The following SEMA6D variants were observed in gnomAD, a reference collection of about 807,000 sequenced individuals.
SEMA6D encodes the protein semaphorin 6D.
In SEMA6D, 35 loss-of-function variants were observed where a neutral mutation model predicts 106.6. That is an observed-to-expected ratio of 0.33 (90% CI 0.25 to 0.44). SEMA6D has a LOEUF of 0.44. Among genes scored for constraint, SEMA6D ranks in the 20% least tolerant of loss-of-function variants. The pLI is 1.00. For missense variants in SEMA6D, 1,185 were observed against 1,345.9 expected, an observed-to-expected ratio of 0.88 and a Z score of 1.87; for synonymous variants, 499 against 487.7, an observed-to-expected ratio of 1.02 and a Z score of -0.31.
chr15:47,471,138 G>A (rs1464687476), intron 3 of SEMA6D, among the ~76,000 whole-genome samples: 1 of 152,138 alleles, frequency 6.6e-6, no homozygotes, highest in Non-Finnish European at 1.5e-5. Context: ...ATGAATGTTG[G>A]TGGGAGCAGG....
chr15:47,675,637 G>A (rs2078229189), intron 4 of SEMA6D, among the ~76,000 whole-genome samples: 1 of 152,124 alleles, frequency 6.6e-6, no homozygotes, highest in African/African-American at 2.4e-5. Context: ...TTAGTATTGT[G>A]TTTTTCTTTA....
intron 1 of SEMA6D, among the ~76,000 whole-genome samples, chr15:47,277,037 T>C (rs2034850158): frequency 6.6e-6 from 1 of 152,126 alleles, no homozygotes; most frequent in Non-Finnish European, 1.5e-5. Context: ...GTGGTGGATA[T>C]AGCAATAGAA....
chr15:47,766,270 T>C, intron 15 of SEMA6D, 88 bp downstream of exon 15: 1 of 1,156,400 alleles, frequency 8.6e-7, no homozygotes, highest in Non-Finnish European at 1.2e-6. Context: ...CCAATTATAC[T>C]ACTTTTCTTT....
At chr15:47,536,246 G>T (rs559609639) in intron 3 of SEMA6D, among the ~76,000 whole-genome samples, 2 of 152,266 alleles carry the variant, frequency 1.3e-5, no homozygotes, top group East Asian at 3.9e-4. Context: ...CTACAAAGGA[G>T]GAGTTCCACC....
chr15:47,451,906 A>T (rs1462165898), intron 2 of SEMA6D, among the ~76,000 whole-genome samples: 2 of 152,018 alleles, frequency 1.3e-5, no homozygotes, highest in South Asian at 4.1e-4. Context: ...GATACATTCT[A>T]TTGTATGTAA....
At chr15:47,511,823 CT>C (rs2044242065) in intron 3 of SEMA6D, among the ~76,000 whole-genome samples, 1 of 152,080 alleles carries the variant, frequency 6.6e-6, no homozygotes, top group African/African-American at 2.4e-5. Flanking sequence ...GCAAGAAGGG[CT>C]TTTGGCACCC....
chr15:47,472,545 A>G (rs2042883252), intron 3 of SEMA6D, among the ~76,000 whole-genome samples: 1 of 152,202 alleles, frequency 6.6e-6, no homozygotes, highest in East Asian at 1.9e-4. Flanking sequence ...CTTTGTGGCC[A>G]AAGAGAACTG....
intron 2 of SEMA6D, among the ~76,000 whole-genome samples, chr15:47,450,809 T>C (rs1472882571): frequency 6.6e-6 from 1 of 152,048 alleles, no homozygotes; most frequent in African/African-American, 2.4e-5. Context: ...TGTGACTTTC[T>C]TGGCATTCAG....
chr15:47,389,499 T>G (rs2039957857), intron 1 of SEMA6D, among the ~76,000 whole-genome samples: 2 of 151,992 alleles, frequency 1.3e-5, no homozygotes, highest in South Asian at 4.2e-4. Flanking sequence ...CACTCACCCC[T>G]AAAAAAGAAT....
chr15:47,479,736 TA>T lies in SEMA6D; in HGVS notation c.-87+9196del, dbSNP rs112136962. Among the ~76,000 whole-genome samples, 1,208 of 152,154 alleles carry T rather than the reference TA, an allele frequency of 7.9e-3. 7 individuals are homozygous for T. The highest frequency in any genetic ancestry group is 0.015 in the Admixed American group (229 of 15,280). On this transcript the variant is annotated intron_variant, in intron 3 of 19. Transcript: ENST00000558014. ...ATTTGCTATCAAAGGAATGAGGTTA[TA>T]AAAAGAGATGCCACTTCCCTAACCT... is the stretch of plus-strand genomic sequence containing the variant.
intron 1 of SEMA6D, among the ~76,000 whole-genome samples, chr15:47,318,949 T>C (rs1396343834): frequency 6.6e-6 from 1 of 152,196 alleles, no homozygotes. Flanking sequence ...GACATTTTAA[T>C]GATTGCCATT....
chr15:47,249,455 T>C (rs913341766), intron 1 of SEMA6D, among the ~76,000 whole-genome samples: 6 of 150,316 alleles, frequency 4.0e-5, no homozygotes, highest in Non-Finnish European at 5.9e-5. Flanking sequence ...TTTTTTTTTT[T>C]CTGTGGGTTC....
chr15:47,761,798 G>C, intron 7 of SEMA6D, 47 bp downstream of exon 7: 1 of 1,452,886 alleles, frequency 6.9e-7, no homozygotes, highest in African/African-American at 1.4e-5. Flanking sequence ...TGACATTGAA[G>C]GTGAAAAAGG....
At chr15:47,286,353 T>C (rs979181229) in intron 1 of SEMA6D, among the ~76,000 whole-genome samples, 3 of 152,194 alleles carry the variant, frequency 2.0e-5, no homozygotes, top group Non-Finnish European at 4.4e-5. Flanking sequence ...TTAAAAATTA[T>C]GTTTACAGGA....
At chr15:47,723,040 CG>C (rs1457351750) in intron 1 of SEMA6D, among the ~76,000 whole-genome samples, 1 of 152,094 alleles carries the variant, frequency 6.6e-6, no homozygotes, top group Non-Finnish European at 1.5e-5. Context: ...ACCACTGCAC[CG>C]GATTGCTTCC....
At chr15:47,228,835 A>G (rs558946362) in intron 1 of SEMA6D, among the ~76,000 whole-genome samples, 6 of 152,012 alleles carry the variant, frequency 3.9e-5, no homozygotes, top group Non-Finnish European at 5.9e-5. Context: ...GGGTCCCTGT[A>G]TGTAAGGATG....
chr15:47,599,895 T>C (rs969040406), intron 3 of SEMA6D, among the ~76,000 whole-genome samples: 4 of 152,080 alleles, frequency 2.6e-5, no homozygotes, highest in African/African-American at 4.8e-5. Context: ...CTAAATACTT[T>C]CTTTTTTTAA....
intron 1 of SEMA6D, among the ~76,000 whole-genome samples, chr15:47,200,092 C>T (rs781748908): frequency 5.3e-5 from 8 of 152,116 alleles, no homozygotes; most frequent in Non-Finnish European, 8.8e-5. Flanking sequence ...CATATCACTA[C>T]GTTCTGCTCA....
intron 2 of SEMA6D, among the ~76,000 whole-genome samples, chr15:47,436,447 T>C (rs2041705529): frequency 6.6e-6 from 1 of 151,534 alleles, no homozygotes; most frequent in Non-Finnish European, 1.5e-5. Flanking sequence ...GATTTGGGGT[T>C]GTTACCATGT....
Sources: allele counts gnomAD v4.1 joint callset (sites outside exome capture counted in the v4.1 genomes callset), GRCh38; gene constraint gnomAD v4.1.1; transcripts MANE v1.5; gene names NCBI Gene and HGNC (gene_info 2026-07-23, HGNC 2026-07-21).